The following VAV1 variants were observed in gnomAD, a reference collection of about 807,000 sequenced individuals.
The protein encoded by VAV1 is proto-oncogene vav.
VAV1 carries 33 observed loss-of-function variants against 128.1 expected under a neutral mutation model. That is an observed-to-expected ratio of 0.26 (90% CI 0.20 to 0.34). The LOEUF (loss-of-function observed/expected upper bound fraction) is 0.34. Among genes scored for constraint, VAV1 ranks in the 10% least tolerant of loss-of-function variants. VAV1 has a pLI of 1.00. For synonymous variants in VAV1, 394 were observed against 409.8 expected (o/e 0.96, Z 0.47); for missense variants, 715 against 1,093.7 (o/e 0.65, Z 4.88).
intron 1 of VAV1, among the ~76,000 whole-genome samples, chr19:6,811,249 T>C (rs905223866): frequency 6.6e-6 from 1 of 152,194 alleles, no homozygotes; most frequent in Non-Finnish European, 1.5e-5. Context: ...TCGGCCAGGC[T>C]GGTCTCGAAC....
At position 6,833,753 on chromosome 19, in the gene VAV1, C is replaced by T. The variant is rs764868084; in HGVS notation, c.1731+20C>T. ...AAGAAGGTAAGACTTTCCCGTGGTCCTTCCTGTGTACCACAAATAATGGGC... is the reference window on the plus strand; with the variant it reads ...AAGAAGGTAAGACTTTCCCGTGGTCTTTCCTGTGTACCACAAATAATGGGC... On this transcript the variant is annotated intron_variant, in intron 18 of 26. Coordinates refer to ENST00000602142, the MANE Select transcript of VAV1 (RefSeq NM_005428.4). 2 of 1,614,146 alleles carry T rather than the reference C, an allele frequency of 1.2e-6. No homozygotes were observed. Among genetic ancestry groups the T allele is most frequent in the Non-Finnish European group, 1.7e-6 (2 of 1,180,014 alleles).
chr19:6,809,986 T>C (rs1971480783), intron 1 of VAV1, among the ~76,000 whole-genome samples: 1 of 151,800 alleles, frequency 6.6e-6, no homozygotes. Flanking sequence ...GCCTGGACAA[T>C]GTAACAAGAC....
At chr19:6,852,893 GGCTGTTCCTA>G in intron 24 of VAV1, 62 bp from the exon 25 acceptor site, 1 of 1,272,080 alleles carries the variant, frequency 7.9e-7, no homozygotes, top group African/African-American at 1.5e-5. Flanking sequence ...AGTTGCATAT[GGCTGTTCCTA>G]GCTCTGCCCC....
At chr19:6,800,611 C>CT (rs910372274) in intron 1 of VAV1, among the ~76,000 whole-genome samples, 7 of 150,652 alleles carry the variant, frequency 4.6e-5, no homozygotes, top group African/African-American at 7.3e-5. Flanking sequence ...CACCCAGCTT[C>CT]TTTTTTTTGT....
chr19:6,821,394 C>G (rs1599654048), intron 2 of VAV1, among the ~76,000 whole-genome samples: 1 of 151,578 alleles, frequency 6.6e-6, no homozygotes, highest in Non-Finnish European at 1.5e-5. Context: ...GAGTGAGACT[C>G]CGTTAAAAAA....
At chr19:6,833,800 G>A in intron 18 of VAV1, 67 bp downstream of exon 18, 47 of 1,613,662 alleles carry the variant, frequency 2.9e-5, no homozygotes, top group Non-Finnish European at 3.9e-5. Flanking sequence ...GAGGACCCAG[G>A]ACATCCTGGA....
At chr19:6,793,144 C>A (rs1971053445) in intron 1 of VAV1, among the ~76,000 whole-genome samples, 1 of 152,120 alleles carries the variant, frequency 6.6e-6, no homozygotes, top group Admixed American at 6.6e-5. Flanking sequence ...ACCATCCTGG[C>A]TAACACGGTG....
chr19:6,825,562 G>T (rs1022132710), intron 8 of VAV1, among the ~76,000 whole-genome samples, 156 bp downstream of exon 8: 1 of 152,184 alleles, frequency 6.6e-6, no homozygotes, highest in East Asian at 1.9e-4. Context: ...TCAATTCCCA[G>T]CTCTGCTGTG....
chr19:6,851,184 TGA>T, intron 24 of VAV1, among the ~76,000 whole-genome samples: 1 of 151,804 alleles, frequency 6.6e-6, no homozygotes, highest in Non-Finnish European at 1.5e-5. Flanking sequence ...AGAGAGAGAT[TGA>T]GAGAGAGAAA....
At chr19:6,829,665 G>A (rs577639566) in intron 13 of VAV1, 121 bp from the exon 14 acceptor site, 102 of 1,478,264 alleles carry the variant, frequency 6.9e-5, no homozygotes, top group East Asian at 6.2e-4. Context: ...GGTGGGCATG[G>A]CCAAGTTGGC....
intron 1 of VAV1, among the ~76,000 whole-genome samples, chr19:6,815,189 C>G (rs1243973337): frequency 6.6e-6 from 1 of 151,968 alleles, no homozygotes; most frequent in East Asian, 1.9e-4. Context: ...ATTGTGTTGC[C>G]TGGGCCGGAG....
intron 23 of VAV1, among the ~76,000 whole-genome samples, chr19:6,849,854 G>A (rs1972621810): frequency 2.0e-5 from 3 of 152,222 alleles, no homozygotes; most frequent in Admixed American, 1.3e-4. Flanking sequence ...CACCTGGGTC[G>A]ATCCATGTCT....
At chr19:6,844,190 C>T (rs1304344740) in intron 22 of VAV1, among the ~76,000 whole-genome samples, 1 of 145,244 alleles carries the variant, frequency 6.9e-6, no homozygotes, top group Non-Finnish European at 1.5e-5. Context: ...CCCAAAGCCT[C>T]AGTGCCTCAG....
chr19:6,823,516 T>C (rs1436809445), intron 6 of VAV1, among the ~76,000 whole-genome samples: 1 of 151,568 alleles, frequency 6.6e-6, no homozygotes, highest in East Asian at 1.9e-4. Flanking sequence ...ATATATATTT[T>C]ATATATATTT....
intron 19 of VAV1, among the ~76,000 whole-genome samples, chr19:6,835,220 C>T (rs1387194584): frequency 1.5e-5 from 2 of 132,934 alleles, no homozygotes; most frequent in African/African-American, 2.7e-5. Context: ...TACATACACA[C>T]ACACACACAC....
chr19:6,818,465 C>T (rs1971710540), intron 1 of VAV1, among the ~76,000 whole-genome samples: 1 of 152,200 alleles, frequency 6.6e-6, no homozygotes, highest in African/African-American at 2.4e-5. Flanking sequence ...CCTTGCTGTT[C>T]CTCCAACATG....
At chr19:6,807,599 C>A (rs1333974908) in intron 1 of VAV1, among the ~76,000 whole-genome samples, 1 of 152,006 alleles carries the variant, frequency 6.6e-6, no homozygotes, top group Non-Finnish European at 1.5e-5. Context: ...GTACTGGGAG[C>A]TACTCTGGAG....
intron 1 of VAV1, among the ~76,000 whole-genome samples, chr19:6,808,231 G>A (rs1971438613): frequency 6.6e-6 from 1 of 151,760 alleles, no homozygotes; most frequent in Admixed American, 6.6e-5. Flanking sequence ...AGAATCGCTT[G>A]AACCCAGGAG....
In VAV1 at chr19:6,786,228, T is replaced by A. The variant is rs550491909; in HGVS notation, c.204+13217T>A. ...TCAATTAATTTATTCATTTATCATA[T>A]GAATATATGATTCTAATTGCTTCAT... On this transcript the variant is annotated intron_variant, in intron 1 of 26. Coordinates refer to ENST00000602142, the MANE Select transcript of VAV1 (RefSeq NM_005428.4). 3.3e-5 allele frequency among the ~76,000 whole-genome samples: 5 copies of A among 152,320 alleles called. No homozygotes were observed. In the East Asian group the frequency reaches 7.7e-4, roughly 23 times the overall value.
Sources: gnomAD v4.1 joint callset for allele counts (sites outside exome capture counted in the v4.1 genomes callset) on GRCh38, gnomAD v4.1.1 for gene constraint, MANE v1.5 for transcripts, NCBI Gene and HGNC (gene_info 2026-07-23, HGNC 2026-07-21) for gene names.